Variants in GALNT13 observed in about 807,000 individuals in gnomAD.
The protein encoded by GALNT13 is UDP-GalNAc:polypeptide N-acetylgalactosaminyltransferase 13.
GALNT13 carries 28 observed loss-of-function variants against 64.2 expected under a neutral mutation model. That is an observed-to-expected ratio of 0.44 (90% CI 0.32 to 0.60). The LOEUF is 0.60. GALNT13 is among the 20% of genes least tolerant of loss of function. The probability of loss-of-function intolerance (pLI) is 0.05; values close to 1 mark genes in which losing one functional copy is unlikely to be tolerated. For missense variants in GALNT13, 577 were observed against 669.8 expected, an observed-to-expected ratio of 0.86 and a Z score of 1.53; for synonymous variants, 214 against 224.6, an observed-to-expected ratio of 0.95 and a Z score of 0.42.
chr2:154,056,027 C>T (rs574341813), intron 3 of GALNT13, among the ~76,000 whole-genome samples: 1 of 152,162 alleles, frequency 6.6e-6, no homozygotes, highest in South Asian at 2.1e-4. Context: ...GGCTTTTCTT[C>T]ATGTCAGAAT....
intron 3 of GALNT13, among the ~76,000 whole-genome samples, chr2:153,959,108 T>G (rs1486744054): frequency 3.3e-5 from 5 of 152,168 alleles, no homozygotes. Flanking sequence ...AAGACCAATA[T>G]TCCCCTAGGG....
At chr2:153,778,538 G>T in the GALNT13 span, among the ~76,000 whole-genome samples, 1 of 152,172 alleles carries the variant, frequency 6.6e-6, no homozygotes, top group Admixed American at 6.5e-5. Context: ...CCATTCATAA[G>T]GAGAAGAGAT....
the GALNT13 span, among the ~76,000 whole-genome samples, chr2:153,195,162 A>G: frequency 1.3e-5 from 2 of 152,130 alleles, no homozygotes; most frequent in East Asian, 1.9e-4. Flanking sequence ...AGCAGCATGC[A>G]TGGTGTGAGT....
intron 4 of GALNT13, among the ~76,000 whole-genome samples, chr2:154,208,252 A>G (rs1487474724): frequency 6.6e-6 from 1 of 152,220 alleles, no homozygotes; most frequent in Non-Finnish European, 1.5e-5. Flanking sequence ...TTCAGTAAGC[A>G]TAATATATTG....
At chr2:154,164,851 A>G (rs534529434) in intron 4 of GALNT13, among the ~76,000 whole-genome samples, 10 of 152,234 alleles carry the variant, frequency 6.6e-5, no homozygotes, top group African/African-American at 2.2e-4. Flanking sequence ...AAACTAAAAA[A>G]CAAGTTTTTG....
At chr2:154,143,328 G>C (rs1020539231) in intron 4 of GALNT13, among the ~76,000 whole-genome samples, 14 of 152,046 alleles carry the variant, frequency 9.2e-5, no homozygotes, top group African/African-American at 3.4e-4. Context: ...CCTATAACAG[G>C]CCAGGACCAG....
the GALNT13 span, among the ~76,000 whole-genome samples, chr2:153,304,042 T>C: frequency 6.6e-6 from 1 of 151,640 alleles, no homozygotes; most frequent in Non-Finnish European, 1.5e-5. Context: ...CTGGGGTCTC[T>C]GGGCATGCAC....
chr2:153,268,269 AT>A, the GALNT13 span, among the ~76,000 whole-genome samples: 1 of 152,184 alleles, frequency 6.6e-6, no homozygotes, highest in Non-Finnish European at 1.5e-5. Context: ...AATGGGAGAT[AT>A]TGGCCAAATC....
chr2:153,989,749 C>G (rs575066107), intron 3 of GALNT13, among the ~76,000 whole-genome samples: 1 of 151,922 alleles, frequency 6.6e-6, no homozygotes, highest in African/African-American at 2.4e-5. Flanking sequence ...TTTTCCTGCT[C>G]TCATATGTCA....
the GALNT13 span, among the ~76,000 whole-genome samples, chr2:153,419,185 A>G: frequency 6.6e-6 from 1 of 152,206 alleles, no homozygotes; most frequent in Non-Finnish European, 1.5e-5. Flanking sequence ...GAAAGCAAAC[A>G]TATCCTTCTT....
intron 9 of GALNT13, among the ~76,000 whole-genome samples, chr2:154,329,373 G>A (rs540477149): frequency 6.6e-6 from 1 of 152,326 alleles, no homozygotes; most frequent in South Asian, 2.1e-4. Context: ...AAAGTGCTGG[G>A]ATTACAGGCG....
chr2:154,168,765 C>T (rs948923347), intron 4 of GALNT13, among the ~76,000 whole-genome samples: 15 of 151,500 alleles, frequency 9.9e-5, no homozygotes, highest in African/African-American at 3.6e-4. Context: ...ATCACTTGAA[C>T]CCGGGAGGTG....
At chr2:154,181,721 T>G (rs1445989946) in intron 4 of GALNT13, among the ~76,000 whole-genome samples, 1 of 152,080 alleles carries the variant, frequency 6.6e-6, no homozygotes, top group Non-Finnish European at 1.5e-5. Flanking sequence ...GCAGGTTACC[T>G]TTACATATCT....
the GALNT13 span, among the ~76,000 whole-genome samples, chr2:153,135,191 T>C: frequency 1.3e-5 from 2 of 152,062 alleles, no homozygotes; most frequent in Non-Finnish European, 2.9e-5. Context: ...GATAGAGCTG[T>C]ATCTCTTCTT....
intron 4 of GALNT13, among the ~76,000 whole-genome samples, chr2:154,148,469 T>A (rs1380767349): frequency 1.3e-5 from 2 of 152,298 alleles, no homozygotes; most frequent in East Asian, 3.9e-4. Context: ...TCAAATGGTA[T>A]TTCTAGTTCT....
the GALNT13 span, among the ~76,000 whole-genome samples, chr2:153,492,641 A>G: frequency 3.7e-4 from 57 of 152,216 alleles, 1 homozygote; most frequent in South Asian, 2.1e-4. Context: ...TAATGTTCAC[A>G]TGAAAGTGCA....
intron 4 of GALNT13, among the ~76,000 whole-genome samples, chr2:154,233,037 C>CAAAAAAAA (rs375484057): frequency 5.1e-5 from 3 of 59,002 alleles, no homozygotes; most frequent in African/African-American, 1.8e-4. Context: ...GACCCTGTCT[C>CAAAAAAAA]AAAAAAAAAA....
chr2:153,554,263 G>C, the GALNT13 span, among the ~76,000 whole-genome samples: 1 of 152,156 alleles, frequency 6.6e-6, no homozygotes, highest in South Asian at 2.1e-4. Context: ...GAACCCAGGA[G>C]GTGGAGCTTG....
At chr2:154,198,584 C>G (rs538923656) in intron 4 of GALNT13, among the ~76,000 whole-genome samples, 1 of 151,904 alleles carries the variant, frequency 6.6e-6, no homozygotes, top group South Asian at 2.1e-4. Flanking sequence ...ATTGTAACTT[C>G]TTTAACTTAC....
Sources: allele counts gnomAD v4.1 joint callset (sites outside exome capture counted in the v4.1 genomes callset), GRCh38; gene constraint gnomAD v4.1.1; transcripts MANE v1.5; gene names NCBI Gene and HGNC (gene_info 2026-07-23, HGNC 2026-07-21).